CTNNA2: variants seen among roughly 807,000 people sequenced by gnomAD.
CTNNA2 encodes catenin alpha-2.
Under a neutral mutation model 101.0 loss-of-function variants are expected in CTNNA2, and 42 were observed. The ratio of observed to expected loss-of-function variants is 0.42; its 90% CI spans 0.32 to 0.54. The LOEUF (loss-of-function observed/expected upper bound fraction) is 0.54, where lower values mean the gene tolerates loss of function less well. Ranked by LOEUF, CTNNA2 falls within the 20% of genes least tolerant of loss-of-function variation. The probability of loss-of-function intolerance (pLI) is 0.14; values close to 1 mark genes in which losing one functional copy is unlikely to be tolerated. For missense variants in CTNNA2, 871 were observed against 1,223.1 expected, an observed-to-expected ratio of 0.71 and a Z score of 4.29; for synonymous variants, 450 against 456.4, an observed-to-expected ratio of 0.99 and a Z score of 0.18.
At chr2:79,585,755 C>T (rs540095286) in intron 1 of CTNNA2, among the ~76,000 whole-genome samples, 1 of 148,730 alleles carries the variant, frequency 6.7e-6, no homozygotes, top group Admixed American at 6.7e-5. Flanking sequence ...ACATGGCCAA[C>T]ATCCCTTAGG....
chr2:80,222,824 CA>C (rs1291672893), intron 7 of CTNNA2, among the ~76,000 whole-genome samples: 6 of 152,128 alleles, frequency 3.9e-5, no homozygotes, highest in Non-Finnish European at 8.8e-5. Flanking sequence ...GTTGGATTTG[CA>C]AATATGTACA....
intron 4 of CTNNA2, among the ~76,000 whole-genome samples, chr2:79,419,587 A>C (rs1678518050): frequency 6.6e-6 from 1 of 152,114 alleles, no homozygotes; most frequent in African/African-American, 2.4e-5. Context: ...TAAAAATAAT[A>C]TGGTTTAAAT....
intron 7 of CTNNA2, among the ~76,000 whole-genome samples, chr2:80,196,709 A>G (rs1706854965): frequency 6.6e-6 from 1 of 152,266 alleles, no homozygotes; most frequent in East Asian, 1.9e-4. Context: ...CGTTCTCTAC[A>G]CTTTGGCCCA....
chr2:80,468,205 G>A (rs1470471799), intron 9 of CTNNA2, among the ~76,000 whole-genome samples: 6 of 152,076 alleles, frequency 3.9e-5, no homozygotes, highest in Admixed American at 6.6e-5. Flanking sequence ...TCAGGGCGAA[G>A]TCTTCTGAAT....
intron 2 of CTNNA2, among the ~76,000 whole-genome samples, chr2:79,231,056 C>T (rs1277542666): frequency 6.6e-6 from 1 of 152,056 alleles, no homozygotes; most frequent in Non-Finnish European, 1.5e-5. Context: ...TCAGGTGAGA[C>T]ATTGGGCTGT....
Position 79,893,561 on chromosome 2 carries a change from T to C in CTNNA2, c.853-16033T>C, listed in dbSNP as rs527428891. Among the ~76,000 whole-genome samples the C allele has an allele frequency of 8.1e-4, 123 of 152,306 alleles. 2 individuals are homozygous for C. Among genetic ancestry groups the C allele is most frequent in the African/African-American group, 2.8e-3 (118 of 41,568 alleles). ...TTAGACATTTACAATCCAACCTAAA[T>C]TAATATATGGTGGCCAATTGCCACA... On this transcript the variant is annotated intron_variant, in intron 6 of 18. Transcript: ENST00000402739.
intron 8 of CTNNA2, among the ~76,000 whole-genome samples, chr2:80,404,451 T>G (rs963216761): frequency 3.3e-5 from 5 of 152,204 alleles, no homozygotes; most frequent in Non-Finnish European, 5.9e-5. Flanking sequence ...ATCACATATC[T>G]TCTTAACTTG....
At chr2:79,466,463 C>G (rs751491576) in intron 4 of CTNNA2, among the ~76,000 whole-genome samples, 6 of 152,212 alleles carry the variant, frequency 3.9e-5, no homozygotes, top group Non-Finnish European at 8.8e-5. Context: ...CAGGGCATAG[C>G]CAAACAAAAG....
chr2:80,363,845 A>G (rs2149321395), intron 7 of CTNNA2, among the ~76,000 whole-genome samples: 1 of 152,298 alleles, frequency 6.6e-6, no homozygotes, highest in East Asian at 1.9e-4. Flanking sequence ...AATTTATATC[A>G]ACCATTCATT....
Position 80,355,425 on chromosome 2 carries a change from G to T in CTNNA2, c.1057-37786G>T, listed in dbSNP as rs111596783. Among the ~76,000 whole-genome samples the T allele has an allele frequency of 6.7e-3, 1,015 of 152,256 alleles. 8 individuals are homozygous for T. The highest frequency in any genetic ancestry group is 0.011 in the Non-Finnish European group (746 of 68,006). ...TGTCTGGAGGCTCAGCAGTTCCTTT[G>T]TGATGATGAGGATGAGAGCTACATT... is the stretch of plus-strand genomic sequence containing the variant. On this transcript the variant is annotated intron_variant, in intron 7 of 18. Transcript: ENST00000402739.
intron 1 of CTNNA2, among the ~76,000 whole-genome samples, chr2:79,541,066 A>G (rs1033198331): frequency 1.3e-5 from 2 of 152,094 alleles, no homozygotes; most frequent in African/African-American, 4.8e-5. Flanking sequence ...ATGTCCTGAA[A>G]AAACATTTCT....
chr2:79,272,801 C>G (rs2104305802), intron 2 of CTNNA2, among the ~76,000 whole-genome samples: 1 of 151,932 alleles, frequency 6.6e-6, no homozygotes, highest in South Asian at 2.1e-4. Context: ...TTGTTTTCAC[C>G]TAACTTTTGA....
chr2:79,945,241 A>G (rs762718891), intron 7 of CTNNA2, among the ~76,000 whole-genome samples: 1 of 151,990 alleles, frequency 6.6e-6, no homozygotes, highest in Non-Finnish European at 1.5e-5. Flanking sequence ...GGGTCTCGCT[A>G]TGTTGCCCAG....
At chr2:80,613,352 C>T (rs1305134890) in intron 17 of CTNNA2, among the ~76,000 whole-genome samples, 6 of 151,198 alleles carry the variant, frequency 4.0e-5, no homozygotes, top group African/African-American at 9.7e-5. Flanking sequence ...CATTCATTCC[C>T]CCAGAGTGTT....
chr2:79,516,912 A>G (rs1429772204), intron 1 of CTNNA2, among the ~76,000 whole-genome samples: 4 of 152,164 alleles, frequency 2.6e-5, no homozygotes, highest in Non-Finnish European at 4.4e-5. Flanking sequence ...ATTTTGACCT[A>G]TGTGAAGCCA....
At chr2:80,109,181 C>T (rs1480720799) in intron 7 of CTNNA2, among the ~76,000 whole-genome samples, 1 of 152,216 alleles carries the variant, frequency 6.6e-6, no homozygotes, top group African/African-American at 2.4e-5. Flanking sequence ...ACTTATTGGG[C>T]TGGGCATGGT....
intron 2 of CTNNA2, among the ~76,000 whole-genome samples, chr2:79,268,962 A>T (rs942120650): frequency 2.0e-5 from 3 of 152,112 alleles, no homozygotes; most frequent in Non-Finnish European, 4.4e-5. Context: ...CAGGTTAGTT[A>T]GAACCTCTGT....
chr2:79,208,029 T>G (rs920813330), intron 2 of CTNNA2, among the ~76,000 whole-genome samples: 1 of 152,078 alleles, frequency 6.6e-6, no homozygotes, highest in Non-Finnish European at 1.5e-5. Flanking sequence ...CAAGGTCTAC[T>G]CTGCCCTCAC....
At chr2:79,886,192 G>C (rs927882629) in intron 6 of CTNNA2, among the ~76,000 whole-genome samples, 1 of 152,232 alleles carries the variant, frequency 6.6e-6, no homozygotes, top group Non-Finnish European at 1.5e-5. Flanking sequence ...ATTCTTGGAA[G>C]AGGAGGTAAA....
Sources: allele counts gnomAD v4.1 joint callset (sites outside exome capture counted in the v4.1 genomes callset), GRCh38; gene constraint gnomAD v4.1.1; transcripts MANE v1.5; gene names NCBI Gene and HGNC (gene_info 2026-07-23, HGNC 2026-07-21).